Variants in KLF12 observed in about 807,000 individuals in gnomAD.
KLF12 encodes KLF transcription factor 12.
KLF12 carries 9 observed loss-of-function variants against 37.8 expected under a neutral mutation model. The ratio of observed to expected loss-of-function variants is 0.24; its 90% CI spans 0.14 to 0.42. The LOEUF (loss-of-function observed/expected upper bound fraction) is 0.42, where lower values mean the gene tolerates loss of function less well. KLF12 is among the 10% of genes least tolerant of loss of function. The pLI is 1.00. For synonymous variants in KLF12, 208 were observed against 202.1 expected (o/e 1.03, Z -0.25); for missense variants, 411 against 516.0 (o/e 0.80, Z 1.97).
At chr13:73,977,860 A>G (rs1167742374) in intron 2 of KLF12, among the ~76,000 whole-genome samples, 4 of 152,250 alleles carry the variant, frequency 2.6e-5, no homozygotes, top group East Asian at 1.9e-4. Flanking sequence ...CGAAGGCAAT[A>G]AAATGGAGCA....
At chr13:74,072,984 G>C (rs540710582) in intron 1 of KLF12, among the ~76,000 whole-genome samples, 4 of 152,220 alleles carry the variant, frequency 2.6e-5, no homozygotes, top group African/African-American at 9.6e-5. Flanking sequence ...CATGGCGGTG[G>C]GTTCTTCCCA....
chr13:73,964,549 C>G (rs1013459337), intron 2 of KLF12, among the ~76,000 whole-genome samples: 2 of 149,602 alleles, frequency 1.3e-5, no homozygotes, highest in African/African-American at 2.5e-5. Context: ...GCGGGTGGAT[C>G]ACGAGGTCAG....
intron 5 of KLF12, among the ~76,000 whole-genome samples, chr13:73,769,837 G>A (rs1880156785): frequency 6.6e-6 from 1 of 152,162 alleles, no homozygotes; most frequent in African/African-American, 2.4e-5. Context: ...AATTAGAGAG[G>A]CTGTTTCATA....
intron 5 of KLF12, among the ~76,000 whole-genome samples, chr13:73,776,988 GTTAAA>G (rs1400474541): frequency 1.3e-5 from 2 of 152,080 alleles, no homozygotes; most frequent in African/African-American, 2.4e-5. Context: ...TCTCAGAAAG[GTTAAA>G]CAACAACAAC....
chr13:74,157,746 T>G, the KLF12 span, among the ~76,000 whole-genome samples: 5 of 152,158 alleles, frequency 3.3e-5, no homozygotes, highest in African/African-American at 1.2e-4. Flanking sequence ...ATTGGCCAAT[T>G]TTTTGGGTCA....
chr13:73,878,404 A>C (rs1401101015), intron 3 of KLF12, among the ~76,000 whole-genome samples: 6 of 152,202 alleles, frequency 3.9e-5, no homozygotes, highest in Non-Finnish European at 5.9e-5. Context: ...TTCTCATTTG[A>C]ATGTGGCATG....
intron 1 of KLF12, among the ~76,000 whole-genome samples, chr13:74,084,917 T>C (rs1202814036): frequency 6.6e-6 from 1 of 152,184 alleles, no homozygotes; most frequent in Non-Finnish European, 1.5e-5. Context: ...GTCTTTTCAT[T>C]ATAGTTTGCA....
chr13:74,018,894 A>G (rs1393116043), intron 1 of KLF12, among the ~76,000 whole-genome samples: 1 of 152,190 alleles, frequency 6.6e-6, no homozygotes, highest in Non-Finnish European at 1.5e-5. Flanking sequence ...TAGCCTTATC[A>G]TAGATGATTC....
chr13:73,971,435 T>C (rs530234968), intron 2 of KLF12, among the ~76,000 whole-genome samples: 5 of 152,190 alleles, frequency 3.3e-5, no homozygotes, highest in Non-Finnish European at 7.3e-5. Flanking sequence ...TCCCTGTTCT[T>C]AGGCAACAAT....
chr13:74,189,399 G>A, the KLF12 span, among the ~76,000 whole-genome samples: 9 of 152,254 alleles, frequency 5.9e-5, no homozygotes, highest in Middle Eastern at 6.8e-3. Context: ...CATTTGCAGC[G>A]AGGCCACAGG....
chr13:74,190,067 A>G, the KLF12 span, among the ~76,000 whole-genome samples: 4 of 152,214 alleles, frequency 2.6e-5, no homozygotes, highest in African/African-American at 2.4e-5. Context: ...TGTCACATCA[A>G]TTCACATGCT....
intron 5 of KLF12, among the ~76,000 whole-genome samples, chr13:73,779,424 G>A (rs1229698659): frequency 6.6e-6 from 1 of 152,198 alleles, no homozygotes; most frequent in African/African-American, 2.4e-5. Flanking sequence ...ACAGGGCAGG[G>A]TTTGGAGAGC....
intron 6 of KLF12, among the ~76,000 whole-genome samples, chr13:73,718,214 T>G (rs555965574): frequency 1.3e-4 from 20 of 151,782 alleles, no homozygotes; most frequent in Non-Finnish European, 2.5e-4. Context: ...AGGAGAAACG[T>G]AAAAAAAAGA....
At chr13:73,923,789 G>C (rs141915095) in intron 3 of KLF12, among the ~76,000 whole-genome samples, 9 of 152,160 alleles carry the variant, frequency 5.9e-5, no homozygotes, top group African/African-American at 2.2e-4. Context: ...TAGGTCTGGC[G>C]TGGGAACCCA....
chr13:74,122,628 A>T (rs781293492), intron 1 of KLF12, among the ~76,000 whole-genome samples: 1 of 152,130 alleles, frequency 6.6e-6, no homozygotes, highest in Non-Finnish European at 1.5e-5. Context: ...AACTGGAAAC[A>T]CAGTATTTCC....
chr13:74,140,359 C>T, the KLF12 span, among the ~76,000 whole-genome samples: 1 of 151,614 alleles, frequency 6.6e-6, no homozygotes, highest in African/African-American at 2.4e-5. Flanking sequence ...TCTGTCTCTA[C>T]CAAAAATAAA....
intron 3 of KLF12, among the ~76,000 whole-genome samples, chr13:73,912,488 GA>G (rs1311366814): frequency 6.6e-6 from 1 of 152,106 alleles, no homozygotes; most frequent in Non-Finnish European, 1.5e-5. Context: ...AACAGGAGAA[GA>G]AACACACAGA....
At chr13:73,782,493 TTG>T (rs1881027795) in intron 5 of KLF12, among the ~76,000 whole-genome samples, 1 of 152,204 alleles carries the variant, frequency 6.6e-6, no homozygotes, top group Admixed American at 6.5e-5. Flanking sequence ...AACTCCCAAA[TTG>T]TACCTAACTA....
intron 3 of KLF12, among the ~76,000 whole-genome samples, chr13:73,927,810 G>C (rs1296551927): frequency 7.1e-6 from 1 of 140,848 alleles, no homozygotes; most frequent in Admixed American, 7.4e-5. Flanking sequence ...GGATGGTCTT[G>C]ATCTCCTGAC....
Sources: allele counts gnomAD v4.1 joint callset (sites outside exome capture counted in the v4.1 genomes callset), GRCh38; gene constraint gnomAD v4.1.1; transcripts MANE v1.5; gene names NCBI Gene and HGNC (gene_info 2026-07-23, HGNC 2026-07-21).